PHF24: variants seen among roughly 807,000 people sequenced by gnomAD.
PHF24 encodes the protein Galpha inhibitory interacting protein.
Under a neutral mutation model 42.6 loss-of-function variants are expected in PHF24, and 25 were observed. The observed-to-expected ratio is 0.59, with a 90% CI of 0.43 to 0.82. PHF24 has a LOEUF of 0.82. Among genes scored for constraint, PHF24 ranks in the 40% least tolerant of loss-of-function variants. The probability of loss-of-function intolerance (pLI) is 0.00; values close to 1 mark genes in which losing one functional copy is unlikely to be tolerated. For synonymous variants in PHF24, 185 were observed against 204.8 expected, an observed-to-expected ratio of 0.90 and a Z score of 0.83; for missense variants, 470 against 538.1, an observed-to-expected ratio of 0.87 and a Z score of 1.25.
chr9:34,684,504 G>A, the PHF24 span, among the ~76,000 whole-genome samples: 2 of 152,152 alleles, frequency 1.3e-5, no homozygotes, highest in African/African-American at 4.8e-5. Flanking sequence ...CAGTGGTAGG[G>A]TTTCCTGAGA....
chr9:34,757,171 G>C, the PHF24 span, among the ~76,000 whole-genome samples: 1 of 152,010 alleles, frequency 6.6e-6, no homozygotes, highest in South Asian at 2.1e-4. Context: ...CCAAAGTGCT[G>C]GGATTACAGG....
the PHF24 span, among the ~76,000 whole-genome samples, chr9:34,680,273 G>A: frequency 6.6e-6 from 1 of 152,198 alleles, no homozygotes; most frequent in Non-Finnish European, 1.5e-5. Context: ...TACTTGGGAG[G>A]CTGAGGCAGG....
the PHF24 span, among the ~76,000 whole-genome samples, chr9:34,666,911 C>T: frequency 6.6e-6 from 1 of 152,222 alleles, no homozygotes; most frequent in East Asian, 1.9e-4. Context: ...CACCACTGCA[C>T]TCCAGCCTGG....
chr9:34,666,851 C>CA, the PHF24 span, among the ~76,000 whole-genome samples: 1 of 152,134 alleles, frequency 6.6e-6, no homozygotes, highest in Non-Finnish European at 1.5e-5. Flanking sequence ...GAGGCTGAGG[C>CA]AGAGAATTGC....
At chr9:34,882,128 T>C in the PHF24 span, among the ~76,000 whole-genome samples, 1 of 152,158 alleles carries the variant, frequency 6.6e-6, no homozygotes, top group Non-Finnish European at 1.5e-5. Flanking sequence ...ATTATCTCAA[T>C]AGATGCAGAA....
chr9:34,760,691 G>C, the PHF24 span, among the ~76,000 whole-genome samples: 1 of 152,188 alleles, frequency 6.6e-6, no homozygotes, highest in South Asian at 2.1e-4. Context: ...GCGACGTCTC[G>C]GCCCCGCCAG....
At chr9:34,691,961 C>T in the PHF24 span, among the ~76,000 whole-genome samples, 1 of 152,152 alleles carries the variant, frequency 6.6e-6, no homozygotes, top group Non-Finnish European at 1.5e-5. Flanking sequence ...CCTTCATTTT[C>T]CCCCTTTTCT....
At chr9:34,888,537 C>T in the PHF24 span, among the ~76,000 whole-genome samples, 5 of 152,286 alleles carry the variant, frequency 3.3e-5, no homozygotes, top group African/African-American at 1.2e-4. Context: ...AGTGGGCTCT[C>T]AGTTGGGTTA....
chr9:34,666,461 G>A, the PHF24 span, among the ~76,000 whole-genome samples: 1 of 151,922 alleles, frequency 6.6e-6, no homozygotes, highest in East Asian at 1.9e-4. Context: ...GCCAGGCTAC[G>A]GAAATACCTA....
chr9:34,678,654 A>AGAGTCTTGCTCTGTCACCCAGGCTG, the PHF24 span, among the ~76,000 whole-genome samples: 1 of 150,956 alleles, frequency 6.6e-6, no homozygotes, highest in African/African-American at 2.4e-5. Context: ...TTTTTGAGAC[A>AGAGTCTTGCTCTGTCACCCAGGCTG]GAGTCTTGCT....
the PHF24 span, chr9:34,726,961 A>G: frequency 1.3e-5 from 20 of 1,550,166 alleles, no homozygotes; most frequent in Non-Finnish European, 1.6e-5. Context: ...TTCGCCGCAC[A>G]CTTCTCTCCA....
chr9:34,842,266 G>A, the PHF24 span, among the ~76,000 whole-genome samples: 1 of 152,064 alleles, frequency 6.6e-6, no homozygotes, highest in African/African-American at 2.4e-5. Flanking sequence ...TACCAGTTTG[G>A]GGCTACTAGA....
At chr9:34,730,662 T>C in the PHF24 span, among the ~76,000 whole-genome samples, 1 of 152,256 alleles carries the variant, frequency 6.6e-6, no homozygotes, top group Non-Finnish European at 1.5e-5. Context: ...TAGACTTATA[T>C]ACTCATTCGT....
chr9:34,869,416 G>A, the PHF24 span, among the ~76,000 whole-genome samples: 21 of 152,154 alleles, frequency 1.4e-4, no homozygotes, highest in African/African-American at 5.1e-4. Context: ...GCCAGCATCT[G>A]TTGTTTCTTG....
At chr9:34,724,737 A>G in the PHF24 span, 8 of 1,551,532 alleles carry the variant, frequency 5.2e-6, no homozygotes, top group Non-Finnish European at 7.0e-6. Flanking sequence ...AGACTTATAC[A>G]CTGTTCTTCA....
the PHF24 span, among the ~76,000 whole-genome samples, chr9:34,769,508 T>C: frequency 6.6e-6 from 1 of 152,168 alleles, no homozygotes; most frequent in Non-Finnish European, 1.5e-5. Flanking sequence ...TATAAACTAA[T>C]GTGATCCCAA....
chr9:34,965,531 T>G (rs768608478), intron 1 of PHF24, among the ~76,000 whole-genome samples: 7 of 152,272 alleles, frequency 4.6e-5, no homozygotes, highest in Non-Finnish European at 1.0e-4. Context: ...TATGTTTGTT[T>G]TGCTAGTAGA....
At chr9:34,786,509 C>G in the PHF24 span, among the ~76,000 whole-genome samples, 2 of 152,130 alleles carry the variant, frequency 1.3e-5, no homozygotes, top group African/African-American at 4.8e-5. Context: ...AGTAGCCAGC[C>G]CACTCTGCCG....
the PHF24 span, among the ~76,000 whole-genome samples, chr9:34,685,558 T>C: frequency 6.6e-6 from 1 of 152,150 alleles, no homozygotes; most frequent in Non-Finnish European, 1.5e-5. Context: ...CAACTAGACT[T>C]CCCAGCCCCC....
Sources: allele counts gnomAD v4.1 joint callset (sites outside exome capture counted in the v4.1 genomes callset), GRCh38; gene constraint gnomAD v4.1.1; transcripts MANE v1.5; gene names NCBI Gene and HGNC (gene_info 2026-07-23, HGNC 2026-07-21).